KIF13B: variants seen among roughly 807,000 people sequenced by gnomAD.
KIF13B encodes kinesin-like protein KIF13B.
KIF13B carries 127 observed loss-of-function variants against 222.0 expected under a neutral mutation model. The ratio of observed to expected loss-of-function variants is 0.57; its 90% CI spans 0.50 to 0.66. KIF13B has a LOEUF of 0.66. KIF13B is among the 30% of genes least tolerant of loss of function. The pLI is 0.00. For synonymous variants in KIF13B, 976 were observed against 919.0 expected, an observed-to-expected ratio of 1.06 and a Z score of -1.12; for missense variants, 2,173 against 2,379.0, an observed-to-expected ratio of 0.91 and a Z score of 1.80.
intron 2 of KIF13B, among the ~76,000 whole-genome samples, chr8:29,214,786 G>A (rs1814399757): frequency 6.6e-6 from 1 of 152,142 alleles, no homozygotes; most frequent in South Asian, 2.1e-4. Flanking sequence ...CACCATAAAT[G>A]CATCAGTAAT....
intron 1 of KIF13B, among the ~76,000 whole-genome samples, chr8:29,262,616 G>C (rs910531350): frequency 6.6e-6 from 1 of 151,706 alleles, no homozygotes; most frequent in Non-Finnish European, 1.5e-5. Flanking sequence ...GGCGGGGAAG[G>C]AGCGAGGCTG....
chr8:29,134,271 T>C, intron 21 of KIF13B, 61 bp from the exon 22 acceptor site: 1 of 1,539,560 alleles, frequency 6.5e-7, no homozygotes, highest in Non-Finnish European at 8.9e-7. Flanking sequence ...CATTCAGAGT[T>C]GCAGGTTCCA....
intron 2 of KIF13B, among the ~76,000 whole-genome samples, chr8:29,228,472 A>AAAAAAAAAAAAAAAAAT: frequency 1.7e-5 from 2 of 117,086 alleles, no homozygotes; most frequent in Non-Finnish European, 3.5e-5. Flanking sequence ...ATCTTAAAAA[A>AAAAAAAAAAAAAAAAAT]ATATATATAT....
intron 23 of KIF13B, among the ~76,000 whole-genome samples, chr8:29,131,339 A>G (rs1484226380): frequency 8.1e-6 from 1 of 123,730 alleles, no homozygotes; most frequent in Non-Finnish European, 1.9e-5. Flanking sequence ...GAAACTATTA[A>G]AAAAAAAAAA....
chr8:29,087,126 C>T (rs553739215), intron 37 of KIF13B, among the ~76,000 whole-genome samples: 9 of 152,264 alleles, frequency 5.9e-5, no homozygotes, highest in Non-Finnish European at 1.2e-4. Flanking sequence ...GGCTGCAGGG[C>T]GACTTTATTT....
In KIF13B at chr8:29,217,996, T is replaced by A. The variant is rs186189921; in HGVS notation, c.150-21797A>T. On this transcript the variant is annotated intron_variant, in intron 2 of 39. Coordinates refer to ENST00000524189, the MANE Select transcript of KIF13B (RefSeq NM_015254.4). ...CTACTTAGTATGGGTGTCAACTGAT[T>A]CCCCTTTGAACATCTTAAACCTGTT... Among the ~76,000 whole-genome samples, 350 of 152,336 alleles carry A rather than the reference T, an allele frequency of 2.3e-3. 2 individuals carry two copies. The highest frequency in any genetic ancestry group is 8.1e-3 in the African/African-American group (338 of 41,568).
intron 30 of KIF13B, 43 bp from the exon 31 acceptor site, chr8:29,117,050 G>A (rs1809637937): frequency 6.7e-7 from 1 of 1,498,142 alleles, no homozygotes; most frequent in African/African-American, 1.4e-5. Flanking sequence ...CTCTTCTCCA[G>A]AAACATGAAA....
At chr8:29,173,441 C>T (rs1231760923) in intron 10 of KIF13B, among the ~76,000 whole-genome samples, 3 of 144,734 alleles carry the variant, frequency 2.1e-5, no homozygotes, top group Non-Finnish European at 4.5e-5. Flanking sequence ...GGCAACATAG[C>T]AAGACCTCAT....
chr8:29,153,427 T>C (rs956469355), intron 14 of KIF13B, among the ~76,000 whole-genome samples: 1 of 152,192 alleles, frequency 6.6e-6, no homozygotes. Flanking sequence ...CCAGTTCCAC[T>C]GTGCTGCTTA....
At chr8:29,107,115 C>T (rs995520773) in intron 35 of KIF13B, among the ~76,000 whole-genome samples, 8 of 152,154 alleles carry the variant, frequency 5.3e-5, no homozygotes, top group African/African-American at 9.7e-5. Flanking sequence ...TAAATTCCAG[C>T]GAATAAAATT....
chr8:29,148,913 C>T (rs963866559), intron 15 of KIF13B, 146 bp from the exon 16 acceptor site: 60 of 600,198 alleles, frequency 1.0e-4, no homozygotes, highest in African/African-American at 6.6e-4. Flanking sequence ...ATAATCTTGT[C>T]GTAGAAATAA....
At chr8:29,257,095 T>G (rs1816509764) in intron 1 of KIF13B, among the ~76,000 whole-genome samples, 1 of 152,190 alleles carries the variant, frequency 6.6e-6, no homozygotes, top group Non-Finnish European at 1.5e-5. Flanking sequence ...AATAAAATAA[T>G]GCATTAAAAA....
At chr8:29,177,402 C>T in intron 9 of KIF13B, 64 bp downstream of exon 9, 1 of 1,088,448 alleles carries the variant, frequency 9.2e-7, no homozygotes, top group Non-Finnish European at 1.4e-6. Context: ...TTAATAACCA[C>T]AGATGTTCCC....
chr8:29,156,328 G>A (rs940056077), intron 13 of KIF13B, among the ~76,000 whole-genome samples: 2 of 152,218 alleles, frequency 1.3e-5, no homozygotes, highest in South Asian at 4.1e-4. Flanking sequence ...AACAGGAAGG[G>A]AGCGAGATTT....
At position 29,123,407 on chromosome 8, in the gene KIF13B, G is replaced by A; in HGVS notation, c.3438C>T (p.Val1146=). ...CTGGAATACCACTGCCAGCAGAGGG[G>A]ACCATCACCGCGTTCCTCTCCTCAG... is the stretch of plus-strand genomic sequence containing the variant. ...TLTEERNAVM[V]PSAGSGIPGA... The change falls in exon 28 of 40, where the codon GTC becomes GTT. Residue 1146 remains valine, a synonymous_variant. Transcript: ENST00000524189. 1 of 1,613,998 alleles carries A rather than the reference G, an allele frequency of 6.2e-7. No individual in the cohort carries two copies.
chr8:29,243,548 T>G (rs1045751361), intron 2 of KIF13B, among the ~76,000 whole-genome samples: 2 of 150,060 alleles, frequency 1.3e-5, no homozygotes, highest in Non-Finnish European at 3.0e-5. Context: ...CCCAGCTACT[T>G]GGGAGGCTGA....
At chr8:29,189,053 C>T (rs1043046158) in intron 4 of KIF13B, among the ~76,000 whole-genome samples, 1 of 152,158 alleles carries the variant, frequency 6.6e-6, no homozygotes, top group Non-Finnish European at 1.5e-5. Context: ...ACAGGATCTA[C>T]AACACATACC....
intron 2 of KIF13B, among the ~76,000 whole-genome samples, chr8:29,238,090 C>G (rs752724366): frequency 1.3e-5 from 2 of 152,180 alleles, no homozygotes; most frequent in African/African-American, 2.4e-5. Context: ...GCAGAGAGAA[C>G]AAACAGGTCT....
In KIF13B at chr8:29,140,495, A is replaced by C. The variant is rs763692879; in HGVS notation, c.2457T>G (p.Ala819=). 22 of 1,613,828 alleles carry C rather than the reference A, an allele frequency of 1.4e-5. No homozygotes were observed. The African/African-American group carries it at 2.7e-4, about 20-fold the overall frequency. The change falls in exon 20 of 40, where the codon GCT becomes GCG. Residue 819 remains alanine (A), a synonymous_variant. Transcript: ENST00000524189. ...SLFYDVKLQY[A]VPIINQKGEV... is the part of the protein sequence containing the mutation. ...CTCCTTTCTGGTTGATGATGGGAAC[A>C]GCGTATTGTAACTTCACATCATAGA...
Sources: gnomAD v4.1 joint callset for allele counts (sites outside exome capture counted in the v4.1 genomes callset) on GRCh38, gnomAD v4.1.1 for gene constraint, MANE v1.5 for transcripts, NCBI Gene and HGNC (gene_info 2026-07-23, HGNC 2026-07-21) for gene names.